The following RSRC1 variants were observed in gnomAD, a reference collection of about 807,000 sequenced individuals.
RSRC1 encodes arginine and serine rich coiled-coil 1, also known as serine/Arginine-related protein 53.
In RSRC1, 39 loss-of-function variants were observed where a neutral mutation model predicts 49.1. That is an observed-to-expected ratio of 0.79 (90% CI 0.61 to 1.04). The LOEUF is 1.04. Among genes scored for constraint, RSRC1 ranks in the 50% least tolerant of loss-of-function variants. RSRC1 has a pLI of 0.00. For missense variants in RSRC1, 388 were observed against 402.4 expected (o/e 0.96, Z 0.31); for synonymous variants, 143 against 130.8 (o/e 1.09, Z -0.63).
intron 5 of RSRC1, among the ~76,000 whole-genome samples, chr3:158,346,499 A>G (rs1348037047): frequency 6.6e-6 from 1 of 152,236 alleles, no homozygotes; most frequent in Admixed American, 6.5e-5. Flanking sequence ...CATTTTACCA[A>G]GGAAGATATA....
intron 4 of RSRC1, among the ~76,000 whole-genome samples, chr3:158,259,719 C>T (rs1355142707): frequency 6.6e-6 from 1 of 152,102 alleles, no homozygotes; most frequent in Non-Finnish European, 1.5e-5. Flanking sequence ...TGAGCCAGGG[C>T]CTGGAGCGAG....
chr3:158,493,239 A>C (rs1364883505), intron 7 of RSRC1, among the ~76,000 whole-genome samples: 1 of 152,202 alleles, frequency 6.6e-6, no homozygotes, highest in Non-Finnish European at 1.5e-5. Flanking sequence ...CTAAGCAGTT[A>C]TTGAGTAGCT....
At chr3:158,113,038 C>G (rs1337427361) in intron 1 of RSRC1, among the ~76,000 whole-genome samples, 3 of 152,182 alleles carry the variant, frequency 2.0e-5, no homozygotes, top group Non-Finnish European at 4.4e-5. Context: ...TTTATTCAGT[C>G]TATCATTGAT....
intron 6 of RSRC1, among the ~76,000 whole-genome samples, chr3:158,360,321 A>G (rs1731395818): frequency 6.6e-6 from 1 of 152,088 alleles, no homozygotes; most frequent in Non-Finnish European, 1.5e-5. Flanking sequence ...GGGGGAGGAA[A>G]TACACACTGA....
At chr3:158,353,458 A>G (rs1435994543) in intron 5 of RSRC1, among the ~76,000 whole-genome samples, 1 of 152,224 alleles carries the variant, frequency 6.6e-6, no homozygotes, top group Non-Finnish European at 1.5e-5. Flanking sequence ...AGTAGGCACT[A>G]TGTAAACAAA....
chr3:158,529,234 A>ATATATC (rs1491424047), intron 7 of RSRC1, among the ~76,000 whole-genome samples: 5 of 146,574 alleles, frequency 3.4e-5, no homozygotes, highest in Non-Finnish European at 7.5e-5. Context: ...ATATATATAT[A>ATATATC]TCCTACAAAT....
At chr3:158,508,929 A>G (rs1402228165) in intron 7 of RSRC1, among the ~76,000 whole-genome samples, 1 of 152,158 alleles carries the variant, frequency 6.6e-6, no homozygotes, top group East Asian at 1.9e-4. Context: ...TGATTTGCAG[A>G]TATTTTCTCC....
intron 6 of RSRC1, among the ~76,000 whole-genome samples, chr3:158,452,449 A>G (rs1737094783): frequency 6.6e-6 from 1 of 152,200 alleles, no homozygotes; most frequent in Admixed American, 6.6e-5. Context: ...TCTTACATGT[A>G]TTTTGATGAC....
chr3:158,339,832 A>G (rs972360702), intron 5 of RSRC1, among the ~76,000 whole-genome samples: 2 of 152,226 alleles, frequency 1.3e-5, no homozygotes, highest in South Asian at 2.1e-4. Context: ...ACTGAAAATG[A>G]TAAGTGTGCT....
Position 158,180,450 on chromosome 3 carries a change from T to TGTGTGTGTGTGTG in RSRC1, c.321-22622_321-22621insGTGTGTGTGTGTG, listed in dbSNP as rs1559931927. Among the ~76,000 whole-genome samples the TGTGTGTGTGTGTG allele has an allele frequency of 2.3e-4, 12 of 51,516 alleles. 1 individual carries two copies. Among genetic ancestry groups the TGTGTGTGTGTGTG allele is most frequent in the African/African-American group, 8.5e-4 (11 of 13,002 alleles). 33.8% of individuals were successfully genotyped at this position (51,516 alleles called of 152,430 possible). On this transcript the variant is annotated intron_variant, in intron 3 of 9. Coordinates refer to ENST00000611884, the MANE Select transcript of RSRC1 (RefSeq NM_001271838.2). ...TGTGTGTGTGTGTGTGTGTGTGTGTTTATGTGTCTGTGTGTGTGTAATTTT... is the reference window on the plus strand; with the variant it reads ...TGTGTGTGTGTGTGTGTGTGTGTGTTGTGTGTGTGTGTGTATGTGTCTGTGTGTGTGTAATTTT...
intron 4 of RSRC1, among the ~76,000 whole-genome samples, chr3:158,240,768 T>C (rs183015627): frequency 5.9e-5 from 9 of 152,324 alleles, no homozygotes; most frequent in African/African-American, 2.2e-4. Flanking sequence ...GATGAAAATC[T>C]TCACTGTCTC....
chr3:158,174,195 A>G (rs1719061825), intron 3 of RSRC1, among the ~76,000 whole-genome samples: 1 of 151,914 alleles, frequency 6.6e-6, no homozygotes, highest in African/African-American at 2.4e-5. Flanking sequence ...GCCCTGCCTT[A>G]ATGCTTGGCA....
At chr3:158,321,179 A>C (rs1728734584) in intron 5 of RSRC1, among the ~76,000 whole-genome samples, 7 of 145,070 alleles carry the variant, frequency 4.8e-5, no homozygotes, top group African/African-American at 5.1e-5. Context: ...CTCACCCTCA[A>C]CCTCTCTTTC....
At chr3:158,199,316 G>C (rs898269932) in intron 3 of RSRC1, among the ~76,000 whole-genome samples, 2 of 151,952 alleles carry the variant, frequency 1.3e-5, no homozygotes, top group Non-Finnish European at 2.9e-5. Flanking sequence ...CGTGAAAATG[G>C]ACTAATATAT....
At chr3:158,131,362 G>A (rs552162161) in intron 3 of RSRC1, among the ~76,000 whole-genome samples, 29 of 151,720 alleles carry the variant, frequency 1.9e-4, no homozygotes, top group East Asian at 9.7e-4. Flanking sequence ...ATACATTTTC[G>A]TCTTTTTTTG....
At chr3:158,166,091 T>G (rs1051402084) in intron 3 of RSRC1, among the ~76,000 whole-genome samples, 3 of 152,132 alleles carry the variant, frequency 2.0e-5, no homozygotes, top group Non-Finnish European at 4.4e-5. Context: ...CTATACATAT[T>G]TTTTGCACCT....
intron 4 of RSRC1, among the ~76,000 whole-genome samples, chr3:158,261,480 T>G (rs1484458328): frequency 6.6e-6 from 1 of 152,218 alleles, no homozygotes; most frequent in Non-Finnish European, 1.5e-5. Context: ...ATGACTAAGT[T>G]TTTAGAGTTC....
chr3:158,246,623 A>G (rs923172841), intron 4 of RSRC1, among the ~76,000 whole-genome samples: 4 of 152,138 alleles, frequency 2.6e-5, no homozygotes, highest in African/African-American at 9.7e-5. Context: ...AGGATTTTAT[A>G]TCTTCCTCAT....
At chr3:158,408,997 C>G (rs1233811922) in intron 6 of RSRC1, among the ~76,000 whole-genome samples, 3 of 151,960 alleles carry the variant, frequency 2.0e-5, no homozygotes, top group African/African-American at 7.3e-5. Flanking sequence ...CACGCTACTG[C>G]ACTCCAGCCT....
Sources: allele counts gnomAD v4.1 joint callset (sites outside exome capture counted in the v4.1 genomes callset), GRCh38; gene constraint gnomAD v4.1.1; transcripts MANE v1.5; gene names NCBI Gene and HGNC (gene_info 2026-07-23, HGNC 2026-07-21).